The following FAT3 variants were observed in gnomAD, a reference collection of about 807,000 sequenced individuals.
FAT3 encodes the protein protocadherin Fat 3.
FAT3 carries 95 observed loss-of-function variants against 310.2 expected under a neutral mutation model. The ratio of observed to expected loss-of-function variants is 0.31; its 90% CI spans 0.26 to 0.36. The LOEUF (loss-of-function observed/expected upper bound fraction) is 0.36, where lower values mean the gene tolerates loss of function less well. Ranked by LOEUF, FAT3 falls within the 10% of genes least tolerant of loss-of-function variation. The pLI is 1.00. For synonymous variants in FAT3, 2,314 were observed against 2,192.9 expected (o/e 1.06, Z -1.54); for missense variants, 5,408 against 5,715.6 (o/e 0.95, Z 1.74).
At position 92,882,912 on chromosome 11, in the gene FAT3, G is replaced by A. The variant is rs760894720; in HGVS notation, c.12456G>A (p.Lys4152=). 1 of 1,612,976 alleles carries A rather than the reference G, an allele frequency of 6.2e-7. No homozygotes were observed. The highest frequency in any genetic ancestry group is 1.1e-5 in the South Asian group (1 of 90,758). ...NIQAGHSYVG[K]EELIGIAVVL... is the part of the protein sequence containing the mutation. ...AGGCTGGCCACTCCTACGTGGGGAA[G>A]GAGGAGCTCATCGGCATCGCCGTGG... The change falls in exon 24 of 28, where the codon AAG becomes AAA. Residue 4152 remains lysine, a synonymous_variant. Coordinates refer to ENST00000525166, the MANE Select transcript of FAT3 (RefSeq NM_001367949.2).
intron 3 of FAT3, among the ~76,000 whole-genome samples, chr11:92,612,223 C>A (rs1940597211): frequency 6.6e-6 from 1 of 152,150 alleles, no homozygotes; most frequent in African/African-American, 2.4e-5. Flanking sequence ...CTCTTTGTCC[C>A]AGAATAACTA....
intron 4 of FAT3, among the ~76,000 whole-genome samples, chr11:92,713,215 G>A (rs2135953175): frequency 6.6e-6 from 1 of 152,342 alleles, no homozygotes; most frequent in South Asian, 2.1e-4. Context: ...GAGGTTTGGA[G>A]TAAGAGTTCA....
At position 92,299,658 on chromosome 11, in the gene FAT3, G is replaced by C. The variant is rs192101506; in HGVS notation, c.-17-52438G>C. On this transcript the variant is annotated intron_variant, in intron 1 of 27. Transcript: ENST00000525166. ...CAATCACAGCAGGAAACCTTTAGTA[G>C]AAGTGATTATCAAGCTTTTACAACT... is the stretch of plus-strand genomic sequence containing the variant. Among the ~76,000 whole-genome samples, 7 of 152,222 alleles carry C rather than the reference G, an allele frequency of 4.6e-5. No homozygotes were observed. In the East Asian group the frequency reaches 1.4e-3, roughly 29 times the overall value.
At chr11:92,887,601 A>G (rs981580349) in intron 25 of FAT3, among the ~76,000 whole-genome samples, 1 of 152,288 alleles carries the variant, frequency 6.6e-6, no homozygotes. Context: ...GGGCTGTTGG[A>G]GAATTTATTA....
intron 4 of FAT3, among the ~76,000 whole-genome samples, chr11:92,744,290 C>A (rs999333085): frequency 6.6e-6 from 1 of 152,194 alleles, no homozygotes; most frequent in African/African-American, 2.4e-5. Flanking sequence ...ACCTCTGCTG[C>A]TCTGAATGTT....
chr11:92,486,648 G>C (rs1207757897), intron 2 of FAT3, among the ~76,000 whole-genome samples: 1 of 152,044 alleles, frequency 6.6e-6, no homozygotes, highest in East Asian at 1.9e-4. Flanking sequence ...CAATAAATTT[G>C]GTTTCCTCCA....
intron 2 of FAT3, among the ~76,000 whole-genome samples, chr11:92,421,246 T>A (rs1046747555): frequency 1.3e-5 from 2 of 152,210 alleles, no homozygotes; most frequent in African/African-American, 4.8e-5. Flanking sequence ...TTTGGTGGCT[T>A]GCTATTTAGT....
chr11:92,292,827 A>T (rs1033474306), intron 1 of FAT3, among the ~76,000 whole-genome samples: 2 of 152,016 alleles, frequency 1.3e-5, no homozygotes, highest in African/African-American at 4.8e-5. Context: ...AGTGATGAGG[A>T]TGGGACATCC....
chr11:92,315,814 G>A (rs1038364249), intron 1 of FAT3, among the ~76,000 whole-genome samples: 1 of 151,832 alleles, frequency 6.6e-6, no homozygotes, highest in African/African-American at 2.4e-5. Flanking sequence ...GAGCCACCAT[G>A]CCTGATCCAA....
At chr11:92,285,082 G>C (rs1378194659) in intron 1 of FAT3, among the ~76,000 whole-genome samples, 1 of 152,152 alleles carries the variant, frequency 6.6e-6, no homozygotes, top group Non-Finnish European at 1.5e-5. Context: ...GGAGGGCAGT[G>C]AATGTCATTA....
intron 3 of FAT3, among the ~76,000 whole-genome samples, chr11:92,685,157 T>C (rs559062624): frequency 6.6e-6 from 1 of 152,378 alleles, no homozygotes; most frequent in South Asian, 2.1e-4. Context: ...TATCAATCCC[T>C]ACTTACACAT....
chr11:92,486,389 C>G (rs1952404983), intron 2 of FAT3, among the ~76,000 whole-genome samples: 1 of 151,220 alleles, frequency 6.6e-6, no homozygotes, highest in Non-Finnish European at 1.5e-5. Flanking sequence ...TTACACGTGT[C>G]TGCTATTTCC....
intron 3 of FAT3, among the ~76,000 whole-genome samples, chr11:92,571,331 G>A (rs1955658047): frequency 1.3e-5 from 2 of 152,104 alleles, no homozygotes; most frequent in Non-Finnish European, 2.9e-5. Flanking sequence ...TGGGGCACAG[G>A]CAGCTAGGGG....
intron 2 of FAT3, among the ~76,000 whole-genome samples, chr11:92,435,070 A>G (rs993018803): frequency 6.6e-6 from 1 of 152,168 alleles, no homozygotes; most frequent in Admixed American, 6.5e-5. Context: ...TGGAGTTTAT[A>G]TAGCATTTTC....
In FAT3 at chr11:92,800,673, A is replaced by G; in HGVS notation, c.7660A>G (p.Thr2554Ala). Residue 2554 changes from threonine to alanine, a missense_variant, in exon 10 of 28, where the codon ACC (threonine) becomes GCC (alanine). Thr to Ala is a moderately conservative substitution (Grantham distance 58). Coordinates refer to ENST00000525166, the MANE Select transcript of FAT3 (RefSeq NM_001367949.2). Reference protein sequence around the residue: ...FLIDSNGQVITTERLDRENPL... With the variant: ...FLIDSNGQVIATERLDRENPL... ...CATAGACAGCAATGGGCAGGTCATC[A>G]CCACAGAAAGGCTAGACCGGGAAAA... is the stretch of plus-strand genomic sequence containing the variant. The G allele has an allele frequency of 6.2e-7, 1 of 1,613,774 alleles. No individual in the cohort carries two copies. The highest frequency in any genetic ancestry group is 8.5e-7 in the Non-Finnish European group (1 of 1,179,824).
At chr11:92,549,705 A>C (rs1384033136) in intron 3 of FAT3, among the ~76,000 whole-genome samples, 2 of 152,164 alleles carry the variant, frequency 1.3e-5, no homozygotes, top group Non-Finnish European at 2.9e-5. Flanking sequence ...TAATCACTCC[A>C]AGTTTGTCAT....
chr11:92,446,117 C>T (rs1951202202), intron 2 of FAT3, among the ~76,000 whole-genome samples: 1 of 152,188 alleles, frequency 6.6e-6, no homozygotes, highest in African/African-American at 2.4e-5. Flanking sequence ...CACTGATCCT[C>T]AGCCTAAACA....
intron 2 of FAT3, among the ~76,000 whole-genome samples, chr11:92,358,046 G>A (rs1279598153): frequency 6.6e-6 from 1 of 151,314 alleles, no homozygotes; most frequent in African/African-American, 2.4e-5. Context: ...GGTGGTGCAC[G>A]CCTGTAGTCA....
rs78793223 is a variant in FAT3, at chr11:92,556,240, G to A, written c.3607+31292G>A. Among the ~76,000 whole-genome samples, 1,362 of 152,228 alleles carry A rather than the reference G, an allele frequency of 8.9e-3. 43 individuals are homozygous for A. Among genetic ancestry groups the A allele is most frequent in the East Asian group, 0.074 (383 of 5,146 alleles). On this transcript the variant is annotated intron_variant, in intron 3 of 27. Coordinates refer to ENST00000525166, the MANE Select transcript of FAT3 (RefSeq NM_001367949.2). ...GAGGATTCAAGGTGACTTATATCCA[G>A]GCTCTTCTTTTAAATTTTTGCTATT...
Sources: allele counts gnomAD v4.1 joint callset (sites outside exome capture counted in the v4.1 genomes callset), GRCh38; gene constraint gnomAD v4.1.1; transcripts MANE v1.5; gene names NCBI Gene and HGNC (gene_info 2026-07-23, HGNC 2026-07-21).